ITFG1: variants seen among roughly 807,000 people sequenced by gnomAD.
The protein encoded by ITFG1 is integrin alpha FG-GAP repeat containing 1, also known as T-cell immunomodulatory protein.
Under a neutral mutation model 81.8 loss-of-function variants are expected in ITFG1, and 34 were observed. That is an observed-to-expected ratio of 0.42 (90% CI 0.32 to 0.55). The LOEUF (loss-of-function observed/expected upper bound fraction) is 0.55. Ranked by LOEUF, ITFG1 falls within the 20% of genes least tolerant of loss-of-function variation. ITFG1 has a pLI of 0.17. For synonymous variants in ITFG1, 285 were observed against 270.6 expected, an observed-to-expected ratio of 1.05 and a Z score of -0.52; for missense variants, 672 against 755.4, an observed-to-expected ratio of 0.89 and a Z score of 1.29.
At chr16:47,159,482 A>G (rs942964461) in intron 16 of ITFG1, among the ~76,000 whole-genome samples, 3 of 152,166 alleles carry the variant, frequency 2.0e-5, no homozygotes, top group Non-Finnish European at 4.4e-5. Context: ...GGCTTGTGCA[A>G]AACTTCTATA....
chr16:47,283,776 T>C (rs1179558034), intron 10 of ITFG1, among the ~76,000 whole-genome samples: 1 of 152,218 alleles, frequency 6.6e-6, no homozygotes, highest in Non-Finnish European at 1.5e-5. Flanking sequence ...AATTTGTTAC[T>C]ATGGCAATAG....
rs534998195 is a variant in ITFG1 at position 47,228,978 on chromosome 16, A to G, written c.1374+8987T>C. 7.2e-4 allele frequency among the ~76,000 whole-genome samples: 109 copies of G among 152,298 alleles called. 1 individual carries two copies. The highest frequency in any genetic ancestry group is 2.3e-3 in the African/African-American group (95 of 41,558). ...AGTGAATATGCTATTGGGGTGAGAG[A>G]TGTGATGGTAAACTTATCAATGACG... On this transcript the variant is annotated intron_variant, in intron 13 of 17. Coordinates refer to ENST00000320640, the MANE Select transcript of ITFG1 (RefSeq NM_030790.5).
At chr16:47,308,347 T>C (rs1967202864) in intron 10 of ITFG1, among the ~76,000 whole-genome samples, 1 of 152,192 alleles carries the variant, frequency 6.6e-6, no homozygotes, top group Non-Finnish European at 1.5e-5. Context: ...CTAGAAATGT[T>C]CCCACAGATG....
At chr16:47,247,516 C>A (rs986179251) in intron 12 of ITFG1, among the ~76,000 whole-genome samples, 2 of 152,116 alleles carry the variant, frequency 1.3e-5, no homozygotes, top group Non-Finnish European at 2.9e-5. Flanking sequence ...GCTGTAAGTG[C>A]CACTCCTTTC....
chr16:47,348,413 G>A (rs1161811721), intron 8 of ITFG1, among the ~76,000 whole-genome samples: 2 of 152,178 alleles, frequency 1.3e-5, no homozygotes, highest in East Asian at 3.9e-4. Context: ...CGTGACAAAT[G>A]CATAAGCTTC....
chr16:47,179,400 C>T (rs1049590419), intron 14 of ITFG1, among the ~76,000 whole-genome samples: 1 of 152,016 alleles, frequency 6.6e-6, no homozygotes, highest in African/African-American at 2.4e-5. Flanking sequence ...TGCAGCACAC[C>T]AACATGGCAC....
intron 7 of ITFG1, among the ~76,000 whole-genome samples, chr16:47,371,182 C>G (rs1968249077): frequency 6.6e-6 from 1 of 152,210 alleles, no homozygotes; most frequent in South Asian, 2.1e-4. Flanking sequence ...AGTTTAGAAA[C>G]AGATTTCCTA....
At chr16:47,172,321 C>T (rs571481889) in intron 14 of ITFG1, among the ~76,000 whole-genome samples, 4 of 152,218 alleles carry the variant, frequency 2.6e-5, no homozygotes, top group Non-Finnish European at 5.9e-5. Context: ...CCTGTCTCTA[C>T]TAAAAGGTAC....
At chr16:47,164,350 T>G (rs1964858366) in intron 14 of ITFG1, among the ~76,000 whole-genome samples, 2 of 152,230 alleles carry the variant, frequency 1.3e-5, no homozygotes, top group Admixed American at 1.3e-4. Flanking sequence ...TGTTGTAAGA[T>G]TTCCCTAAAT....
At chr16:47,181,014 G>A (rs1244408537) in intron 14 of ITFG1, among the ~76,000 whole-genome samples, 1 of 150,094 alleles carries the variant, frequency 6.7e-6, no homozygotes, top group Non-Finnish European at 1.5e-5. Flanking sequence ...GGAAAGTGAG[G>A]AGCGTCTCTG....
intron 7 of ITFG1, among the ~76,000 whole-genome samples, chr16:47,373,736 C>T (rs753243943): frequency 6.6e-6 from 1 of 152,220 alleles, no homozygotes; most frequent in Non-Finnish European, 1.5e-5. Context: ...GCCCTATTCA[C>T]TTCTGTAACT....
chr16:47,226,565 T>C (rs1339143902), intron 13 of ITFG1, among the ~76,000 whole-genome samples: 1 of 133,298 alleles, frequency 7.5e-6, no homozygotes, highest in East Asian at 2.5e-4. Flanking sequence ...ATGTTCCCGT[T>C]CCTGTGTCCA....
chr16:47,337,985 T>C lies in ITFG1; in HGVS notation c.803-24162A>G, dbSNP rs539002961. ...GGTTTCATGTTTGTTTGTTTGTTTT[T>C]AGTTCCTGCTATTCAAGGAAATCTC... On this transcript the variant is annotated intron_variant, in intron 8 of 17. Transcript: ENST00000320640. Among the ~76,000 whole-genome samples, 166 of 152,390 alleles carry C rather than the reference T, an allele frequency of 1.1e-3. 1 individual carries two copies. The highest frequency in any genetic ancestry group is 4.4e-5 in the Non-Finnish European group (3 of 68,042).
intron 14 of ITFG1, among the ~76,000 whole-genome samples, chr16:47,192,003 C>T (rs987836212): frequency 6.6e-6 from 1 of 152,128 alleles, no homozygotes; most frequent in Non-Finnish European, 1.5e-5. Flanking sequence ...CAGTCTCGAA[C>T]CCCTGGGCTC....
chr16:47,432,898 T>G (rs889725411), intron 5 of ITFG1, among the ~76,000 whole-genome samples: 1 of 152,226 alleles, frequency 6.6e-6, no homozygotes, highest in African/African-American at 2.4e-5. Context: ...GGGTTAAAGA[T>G]TCTCTGACAA....
intron 14 of ITFG1, among the ~76,000 whole-genome samples, chr16:47,163,200 A>G (rs536196879): frequency 1.3e-5 from 2 of 152,358 alleles, no homozygotes; most frequent in East Asian, 3.9e-4. Context: ...TTTTGAGTAT[A>G]TTCAAAGAAT....
intron 9 of ITFG1, chr16:47,312,664 C>T (rs928940459): frequency 2.0e-5 from 3 of 152,192 alleles, no homozygotes; most frequent in East Asian, 1.9e-4. Flanking sequence ...CAAAATGCCA[C>T]GTTATCACAA....
chr16:47,433,706 G>T (rs1010594061), intron 5 of ITFG1, among the ~76,000 whole-genome samples: 2 of 149,792 alleles, frequency 1.3e-5, no homozygotes, highest in African/African-American at 4.9e-5. Context: ...TTTACCAAAG[G>T]TGTACAGAAA....
At chr16:47,334,464 T>G (rs1195658369) in intron 8 of ITFG1, among the ~76,000 whole-genome samples, 2 of 152,142 alleles carry the variant, frequency 1.3e-5, no homozygotes, top group Admixed American at 1.3e-4. Flanking sequence ...TTATTCTATA[T>G]TAAACAAACA....
Sources: gnomAD v4.1 joint callset for allele counts (sites outside exome capture counted in the v4.1 genomes callset) on GRCh38, gnomAD v4.1.1 for gene constraint, MANE v1.5 for transcripts, NCBI Gene and HGNC (gene_info 2026-07-23, HGNC 2026-07-21) for gene names.